ZNF302: variants seen among roughly 807,000 people sequenced by gnomAD.
The protein encoded by ZNF302 is zinc finger protein 327.
In ZNF302, 12 loss-of-function variants were observed where a neutral mutation model predicts 10.8. The ratio of observed to expected loss-of-function variants is 1.11; its 90% confidence interval spans 0.71 to 1.79. ZNF302 has a LOEUF of 1.79. ZNF302 is among the 40% of genes most tolerant of loss of function. The pLI is 0.00. For synonymous variants in ZNF302, 178 were observed against 157.5 expected (o/e 1.13, Z -0.98); for missense variants, 461 against 471.1 (o/e 0.98, Z 0.20).
Position 34,684,822 on chromosome 19 carries a change from G to T in ZNF302, c.785G>T (p.Cys262Phe). The T allele has an allele frequency of 6.2e-7, 1 of 1,613,928 alleles. No homozygotes were observed. The highest frequency in any genetic ancestry group is 1.7e-5 in the Admixed American group (1 of 60,012). ...GAGAAACCTTACAAATGCATTGAAT[G>T]TGGGAAGGCCTTTAGCCATGGCTCA... Reference protein sequence around the residue: ...SGEKPYKCIECGKAFSHGSSL... With the variant: ...SGEKPYKCIEFGKAFSHGSSL... The change falls in exon 5 of 5, where the codon TGT becomes TTT. Residue 262 changes from cysteine to phenylalanine, a missense_variant. By Grantham distance (205) the Cys-to-Phe change is radical. Coordinates refer to ENST00000505242, the MANE Select transcript of ZNF302 (RefSeq NM_001289187.2).
intron 3 of ZNF302, 32 bp from the exon 4 acceptor site, chr19:34,683,123 C>G: frequency 6.2e-7 from 1 of 1,613,454 alleles, no homozygotes; most frequent in Non-Finnish European, 8.5e-7. Context: ...AGGACCACAG[C>G]TTAAACAATT....
At chr19:34,680,993 T>C (rs2068311859) in intron 2 of ZNF302, among the ~76,000 whole-genome samples, 1 of 152,252 alleles carries the variant, frequency 6.6e-6, no homozygotes, top group Admixed American at 6.5e-5. Context: ...CTGCTTTCTT[T>C]TTTTTTCTAC....
In ZNF302 at chr19:34,685,509, G is replaced by A; in HGVS notation, c.*272G>A. 4.5e-6 allele frequency: 7 copies of A among 1,570,542 alleles called. No homozygotes were observed. In the South Asian group the frequency reaches 7.8e-5, roughly 17 times the overall value. ...TGTAGTGAGTGTGGGAAAGCTTTTA[G>A]CAAAGGCTCGAATCTTACTGCCCAT... On this transcript the variant is annotated 3_prime_UTR_variant, in exon 5 of 5. Transcript: ENST00000505242.
intron 1 of ZNF302, among the ~76,000 whole-genome samples, 156 bp from the exon 2 acceptor site, chr19:34,678,581 T>C (rs1365440728): frequency 6.6e-6 from 1 of 152,176 alleles, no homozygotes; most frequent in Non-Finnish European, 1.5e-5. Context: ...ACCTGGTAAA[T>C]AGCCCTTGCG....
chr19:34,679,142 T>C (rs2068194188), intron 2 of ZNF302, among the ~76,000 whole-genome samples: 1 of 152,234 alleles, frequency 6.6e-6, no homozygotes, highest in Non-Finnish European at 1.5e-5. Context: ...TGAAGAGATG[T>C]TTGGAGTCAT....
rs1425240022 is a variant in ZNF302 at position 34,686,306 on chromosome 19, TG to T, written c.*1070del. 1.3e-5 allele frequency: 2 copies of T among 152,208 alleles called. No individual in the cohort carries two copies. The highest frequency in any genetic ancestry group is 2.9e-5 in the Non-Finnish European group (2 of 68,024). The allele number at this position is 152,208 out of a possible 1,614,324, so 9.4% of individuals were successfully genotyped here. A position where few individuals can be genotyped will look rare whatever the true frequency, so the allele number is the denominator to read the frequency against. ...TTAGTCACCCAGAGGAGCCAGTAAA[TG>T]TTATAATGTTAAAAATTAAAGCTGC... On this transcript the variant is annotated 3_prime_UTR_variant, in exon 5 of 5. Transcript: ENST00000505242.
Position 34,682,822 on chromosome 19 carries a change from G to A in ZNF302, c.55G>A (p.Ala19Thr), listed in dbSNP as rs560152511. Reference protein sequence around the residue: ...VAIDFSHEEWACLDSAQRDLY... With the variant: ...VAIDFSHEEWTCLDSAQRDLY... Reference sequence around the variant, plus strand: ...TATAGACTTCTCTCATGAAGAGTGGGCATGCCTAGATTCTGCTCAGAGGGA... The same window carrying A: ...TATAGACTTCTCTCATGAAGAGTGGACATGCCTAGATTCTGCTCAGAGGGA... The change falls in exon 3 of 5, where the codon GCA becomes ACA. Residue 19 changes from alanine to threonine, a missense_variant. Ala to Thr is a moderately conservative substitution (Grantham distance 58, BLOSUM62 0). Transcript: ENST00000505242. 3.1e-5 allele frequency: 50 copies of A among 1,613,746 alleles called. No individual in the cohort carries two copies. In the Admixed American group the frequency reaches 5.3e-4, roughly 17 times the overall value.
intron 4 of ZNF302, chr19:34,683,880 C>A (rs2068489386): frequency 2.1e-6 from 2 of 938,786 alleles, no homozygotes; most frequent in African/African-American, 1.7e-5. Flanking sequence ...CAAAATGCAA[C>A]CTTTCCCACA....
chr19:34,685,381 T>C lies in ZNF302; in HGVS notation c.*144T>C. 2 of 1,612,236 alleles carry C rather than the reference T, an allele frequency of 1.2e-6. No homozygotes were observed. The highest frequency in any genetic ancestry group is 1.7e-5 in the Admixed American group (1 of 59,968). ...TGCTTCAACATCACAGTATTCATAC[T>C]GGAGAGAAACCTTACGAATGTATTA... On this transcript the variant is annotated 3_prime_UTR_variant, in exon 5 of 5. Transcript: ENST00000505242.
chr19:34,683,495 CAAAGT>C, intron 4 of ZNF302, among the ~76,000 whole-genome samples: 1 of 152,210 alleles, frequency 6.6e-6, no homozygotes, highest in East Asian at 1.9e-4. Context: ...ATATTCATGA[CAAAGT>C]AAGACAATTT....
At chr19:34,683,708 T>G (rs2068479203) in intron 4 of ZNF302, among the ~76,000 whole-genome samples, 1 of 152,190 alleles carries the variant, frequency 6.6e-6, no homozygotes, top group Admixed American at 6.5e-5. Context: ...TCACACAGTT[T>G]CTTCATAACC....
At chr19:34,677,522 C>T (rs1331553472), upstream of ZNF302, 1 of 152,312 alleles carries the variant, frequency 6.6e-6, no homozygotes, top group Admixed American at 6.5e-5. Flanking sequence ...ACTTACAAAG[C>T]CGTGACCGGT....
chr19:34,685,155 A>T lies in ZNF302; in HGVS notation c.1118A>T (p.Lys373Ile), dbSNP rs1172529637. 3 of 1,610,132 alleles carry T rather than the reference A, an allele frequency of 1.9e-6. No homozygotes were observed. Among genetic ancestry groups the T allele is most frequent in the Non-Finnish European group, 2.5e-6 (3 of 1,178,628 alleles). The change falls in exon 5 of 5, where the codon AAA becomes ATA. Residue 373 changes from lysine (K) to isoleucine (I), a missense_variant. Transcript: ENST00000505242. ...ATGAAGAAAAAATATGAATGCAACA[A>T]ATGTCTCAAGGTCTTTAGTAGCTTC... Reference protein sequence around the residue: ...HSMKKKYECNKCLKVFSSFSF... With the variant: ...HSMKKKYECNICLKVFSSFSF...
At chr19:34,681,918 C>T (rs2068369599) in intron 2 of ZNF302, 1 of 152,114 alleles carries the variant, frequency 6.6e-6, no homozygotes, top group Middle Eastern at 3.2e-3. Flanking sequence ...GTTTATGAAT[C>T]AGTTATGTGT....
chr19:34,685,543 A>G lies in ZNF302; in HGVS notation c.*306A>G. On this transcript the variant is annotated 3_prime_UTR_variant, in exon 5 of 5. Transcript: ENST00000505242. ...CGAATCTTACTGCCCATCAAAGAGTACATAATGGAGAGAAACCCAATAGTG... is the reference window on the plus strand; with the variant it reads ...CGAATCTTACTGCCCATCAAAGAGTGCATAATGGAGAGAAACCCAATAGTG... The G allele has an allele frequency of 3.2e-6, 5 of 1,548,774 alleles. No individual in the cohort carries two copies. The highest frequency in any genetic ancestry group is 3.6e-6 in the Non-Finnish European group (4 of 1,121,864).
intron 4 of ZNF302, 82 bp downstream of exon 4, chr19:34,683,320 A>C: frequency 1.3e-6 from 2 of 1,507,074 alleles, no homozygotes; most frequent in Non-Finnish European, 1.8e-6. Context: ...GAAGCATTTT[A>C]GGGATACTGT....
rs758141137 is a variant in ZNF302, at chr19:34,685,065, G to A, written c.1028G>A (p.Cys343Tyr). ...CATACTGGAGAGAAGCCTTATGAAT[G>A]TAGAGAATGTGGGAAAGCTTTCTGC... The part of the protein sequence containing the change: ...KSHTGEKPYE[C>Y]RECGKAFCCS... The change falls in exon 5 of 5, where the codon TGT becomes TAT. Residue 343 changes from cysteine (C) to tyrosine (Y), a missense_variant. Transcript: ENST00000505242. The A allele has an allele frequency of 6.2e-7, 1 of 1,612,972 alleles. No homozygotes were observed. Among genetic ancestry groups the A allele is most frequent in the African/African-American group, 1.3e-5 (1 of 74,860 alleles).
At chr19:34,679,977 A>G (rs1338508750) in intron 2 of ZNF302, 1 of 701,654 alleles carries the variant, frequency 1.4e-6, no homozygotes, top group Non-Finnish European at 2.6e-6. Context: ...GCAGATGTAC[A>G]TCTTGGGTGA....
rs532330075 is a variant in ZNF302 at position 34,682,930 on chromosome 19, G to A, written c.130+33G>A. 3.8e-5 allele frequency: 61 copies of A among 1,605,050 alleles called. No homozygotes were observed. In the South Asian group the frequency reaches 6.1e-4, roughly 16 times the overall value. ...TATCACCCCTTCCACTCCAATAGGG[G>A]ACACCTTTCTTTTGCCACCCTGAAT... On this transcript the variant is annotated intron_variant, in intron 3 of 4. Coordinates refer to ENST00000505242, the MANE Select transcript of ZNF302 (RefSeq NM_001289187.2).
Sources: gnomAD v4.1 joint callset for allele counts (sites outside exome capture counted in the v4.1 genomes callset) on GRCh38, gnomAD v4.1.1 for gene constraint, MANE v1.5 for transcripts, NCBI Gene and HGNC (gene_info 2026-07-23, HGNC 2026-07-21) for gene names.